ZNF66: variants seen among roughly 807,000 people sequenced by gnomAD.
ZNF66 encodes putative zinc finger protein 66.
In ZNF66, 32 loss-of-function variants were observed where a neutral mutation model predicts 35.2. The observed-to-expected ratio is 0.91, with a 90% confidence interval of 0.69 to 1.22. ZNF66 has a LOEUF of 1.22. Ranked by LOEUF, ZNF66 falls within the 50% of genes most tolerant of loss-of-function variation. The probability of loss-of-function intolerance (pLI) is 0.00; values close to 1 mark genes in which losing one functional copy is unlikely to be tolerated. For missense variants in ZNF66, 666 were observed against 543.1 expected (o/e 1.23, Z -2.25); for synonymous variants, 231 against 181.3 (o/e 1.27, Z -2.20).
intron 3 of ZNF66, among the ~76,000 whole-genome samples, chr19:20,796,751 T>A (rs1176593935): frequency 6.6e-6 from 1 of 152,344 alleles, no homozygotes; most frequent in African/African-American, 2.4e-5. Flanking sequence ...TTATACTGCA[T>A]ATTCTCTGAA....
Position 20,809,416 on chromosome 19 carries a change from A to AG in ZNF66, c.*2097dup, listed in dbSNP as rs1200951533. On this transcript the variant is annotated 3_prime_UTR_variant, in exon 4 of 4. Transcript: ENST00000344519. ...AGTTGAAATGAAGGAAAAAATGTTA[A>AG]GGGCAGCCAGAGAGAAAGGTCGGGT... Among the ~76,000 whole-genome samples the AG allele has an allele frequency of 1.2e-4, 18 of 152,180 alleles. No individual in the cohort carries two copies. Among genetic ancestry groups the AG allele is most frequent in the African/African-American group, 3.4e-4 (14 of 41,440 alleles).
chr19:20,787,129 A>C (rs916981256), intron 1 of ZNF66, among the ~76,000 whole-genome samples: 1 of 152,182 alleles, frequency 6.6e-6, no homozygotes, highest in Non-Finnish European at 1.5e-5. Context: ...CTATTTCTGT[A>C]AATAAAAATT....
intron 3 of ZNF66, among the ~76,000 whole-genome samples, chr19:20,795,279 G>T (rs953509406): frequency 1.3e-5 from 2 of 152,158 alleles, no homozygotes; most frequent in South Asian, 4.1e-4. Context: ...ATTGGTGTCT[G>T]AATTTGATGG....
In ZNF66 at chr19:20,809,945, G is replaced by C. The variant is rs1189257095; in HGVS notation, c.*2623G>C. Among the ~76,000 whole-genome samples, 1 of 152,134 alleles carries C rather than the reference G, an allele frequency of 6.6e-6. No homozygotes were observed. The highest frequency in any genetic ancestry group is 2.4e-5 in the African/African-American group (1 of 41,434). On this transcript the variant is annotated 3_prime_UTR_variant, in exon 4 of 4. Transcript: ENST00000344519. ...TGTATTCAGGAAACCCATCTCACGT[G>C]CAGAGACACACATAGGCTCAAAATA...
In ZNF66 at chr19:20,806,329, C is replaced by G. The variant is rs765450270; in HGVS notation, c.729C>G (p.Asn243Lys). ...GCAAAGCCTTTAACCGCTCCTCTAA[C>G]CTTACTACACATAAGAAAATTCATA... ...DCGKAFNRSS[N>K]LTTHKKIHTG... Residue 243 changes from asparagine (N) to lysine (K), a missense_variant, in exon 4 of 4, where the codon AAC becomes AAG. By Grantham distance (94) the Asn-to-Lys change is moderately conservative. Coordinates refer to ENST00000344519, the MANE Select transcript of ZNF66 (RefSeq NM_001355197.2). 2.6e-6 allele frequency: 4 copies of G among 1,541,874 alleles called. No homozygotes were observed. The African/African-American group carries it at 5.5e-5, about 21-fold the overall frequency.
chr19:20,805,955 A>T lies in ZNF66; in HGVS notation c.355A>T (p.Ser119Cys). The change falls in exon 4 of 4, where the codon AGT becomes TGT. Residue 119 changes from serine to cysteine, a missense_variant. Transcript: ENST00000344519. ...DNLQLKKGCESVDKCKVHKRG... is the reference protein window; with the variant it reads ...DNLQLKKGCECVDKCKVHKRG... ...TTTGCAGTTAAAAAAAGGCTGTGAA[A>T]GTGTGGATAAGTGTAAAGTGCACAA... is the stretch of plus-strand genomic sequence containing the variant. 2.8e-6 allele frequency: 2 copies of T among 705,768 alleles called. No homozygotes were observed. The highest frequency in any genetic ancestry group is 5.0e-6 in the Non-Finnish European group (2 of 397,018). 43.7% of individuals were successfully genotyped at this position (705,768 alleles called of 1,614,324 possible).
intron 1 of ZNF66, among the ~76,000 whole-genome samples, chr19:20,789,078 A>G (rs1458680714): frequency 1.3e-5 from 2 of 152,130 alleles, no homozygotes; most frequent in Non-Finnish European, 2.9e-5. Context: ...TACCCTAGAA[A>G]ACCTTAAAGG....
chr19:20,799,492 A>G (rs1216053387), intron 3 of ZNF66: 1 of 124,758 alleles, frequency 8.0e-6, no homozygotes, highest in African/African-American at 3.0e-5. Flanking sequence ...GTGTGAGGCG[A>G]TTTTGTTGGT....
intron 2 of ZNF66, among the ~76,000 whole-genome samples, chr19:20,793,389 G>A (rs1314210940): frequency 1.4e-4 from 18 of 131,298 alleles, no homozygotes; most frequent in Non-Finnish European, 2.6e-4. Context: ...GGAGTGCAGT[G>A]GTGCAATCTG....
chr19:20,776,454 A>C lies in ZNF66; in HGVS notation c.3+4A>C, dbSNP rs1476171662. On this transcript the variant is annotated splice_donor_region_variant and intron_variant, in intron 1 of 3. Coordinates refer to ENST00000344519, the MANE Select transcript of ZNF66 (RefSeq NM_001355197.2). ...ACCCCCTGGAAGCCTAGAAATGGTG[A>C]GAGTGCCGGTCCAGCATCCCGAGAG... 1.9e-6 allele frequency: 3 copies of C among 1,557,356 alleles called. No homozygotes were observed. In the African/African-American group the frequency reaches 4.1e-5, roughly 21 times the overall value.
At chr19:20,804,773 C>A (rs540579775) in intron 3 of ZNF66, among the ~76,000 whole-genome samples, 7 of 152,164 alleles carry the variant, frequency 4.6e-5, no homozygotes, top group Non-Finnish European at 1.0e-4. Context: ...TTGGGAATTT[C>A]TCAAACATGT....
In ZNF66 at chr19:20,790,639, C is replaced by T. The variant is rs1971328303; in HGVS notation, c.4-1873C>T. On this transcript the variant is annotated intron_variant, in intron 1 of 3. Transcript: ENST00000344519. ...TTTCTGCCAATTGATGCCATGCTAG[C>T]TGGTAAACATGTGGCACTGACACCT... 2.6e-5 allele frequency among the ~76,000 whole-genome samples: 4 copies of T among 152,034 alleles called. No individual in the cohort carries two copies. In the South Asian group the frequency reaches 8.3e-4, roughly 32 times the overall value.
At chr19:20,791,028 G>A (rs1971332150) in intron 1 of ZNF66, among the ~76,000 whole-genome samples, 1 of 152,108 alleles carries the variant, frequency 6.6e-6, no homozygotes, top group Non-Finnish European at 1.5e-5. Flanking sequence ...TTTATGATCT[G>A]CAATATTAAA....
Position 20,805,966 on chromosome 19 carries a change from G to A in ZNF66, c.366G>A (p.Lys122=), listed in dbSNP as rs776086137. 1.3e-6 allele frequency: 1 copy of A among 743,544 alleles called. No homozygotes were observed. The highest frequency in any genetic ancestry group is 2.4e-6 in the Non-Finnish European group (1 of 421,916). The allele number at this position is 743,544 out of a possible 1,614,324, so 46.1% of individuals were successfully genotyped here. A position where few individuals can be genotyped will look rare whatever the true frequency, so the allele number is the denominator to read the frequency against. The part of the protein sequence containing the change: ...QLKKGCESVD[K]CKVHKRGYNG... ...AAAAAGGCTGTGAAAGTGTGGATAAGTGTAAAGTGCACAAAAGAGGTTATA... is the reference window on the plus strand; with the variant it reads ...AAAAAGGCTGTGAAAGTGTGGATAAATGTAAAGTGCACAAAAGAGGTTATA... The change falls in exon 4 of 4, where the codon AAG becomes AAA. Residue 122 remains lysine (K), a synonymous_variant. Coordinates refer to ENST00000344519, the MANE Select transcript of ZNF66 (RefSeq NM_001355197.2).
rs1389927092 is a variant in ZNF66, at chr19:20,776,304, GTCTCTCCCTGCAGC to G, written c.-142_-129del. Reference sequence around the variant, plus strand: ...GGCTTCCGGATTTGGCGGGGTCTTTGTCTCTCCCTGCAGCTGGAGCTCCAGGTCGTCTGTTCACT... The same window carrying G: ...GGCTTCCGGATTTGGCGGGGTCTTTGTGGAGCTCCAGGTCGTCTGTTCACT... On this transcript the variant is annotated 5_prime_UTR_variant, in exon 1 of 4. Coordinates refer to ENST00000344519, the MANE Select transcript of ZNF66 (RefSeq NM_001355197.2). 2.9e-6 allele frequency: 4 copies of G among 1,362,554 alleles called. No individual in the cohort carries two copies. Among genetic ancestry groups the G allele is most frequent in the Non-Finnish European group, 4.2e-6 (4 of 960,892 alleles). 84.4% of individuals were successfully genotyped at this position (1,362,554 alleles called of 1,614,324 possible).
Position 20,806,066 on chromosome 19 carries a change from C to A in ZNF66, c.466C>A (p.Gln156Lys). 1.2e-6 allele frequency: 1 copy of A among 853,996 alleles called. No individual in the cohort carries two copies. Among genetic ancestry groups the A allele is most frequent in the Non-Finnish European group, 2.0e-6 (1 of 508,456 alleles). The allele number at this position is 853,996 out of a possible 1,614,324, so 52.9% of individuals were successfully genotyped here. A position where few individuals can be genotyped will look rare whatever the true frequency, so the allele number is the denominator to read the frequency against. Reference sequence around the variant, plus strand: ...TGATAAACATGGGAAAGTCTTTCATCAATTTTCAAATACAAACAGACATAA... The same window carrying A: ...TGATAAACATGGGAAAGTCTTTCATAAATTTTCAAATACAAACAGACATAA... The part of the protein sequence containing the change: ...QCDKHGKVFH[Q>K]FSNTNRHKIR... Residue 156 changes from glutamine to lysine, a missense_variant, in exon 4 of 4, where the codon CAA (glutamine) becomes AAA (lysine). Transcript: ENST00000344519.
chr19:20,783,133 C>T (rs1482112977), intron 1 of ZNF66, among the ~76,000 whole-genome samples: 2 of 152,048 alleles, frequency 1.3e-5, no homozygotes, highest in Admixed American at 1.3e-4. Context: ...CTCTTGTCAG[C>T]TTTGTCAAAA....
In ZNF66 at chr19:20,805,487, T is replaced by A. The variant is rs559979613; in HGVS notation, c.227-340T>A. 2.0e-5 allele frequency among the ~76,000 whole-genome samples: 3 copies of A among 152,242 alleles called. No homozygotes were observed. In the South Asian group the frequency reaches 6.2e-4, roughly 32 times the overall value. ...GATTACTGGTGTGAGCCATCACACC[T>A]GACCAGCAATTTACTTTTAAAGGCA... On this transcript the variant is annotated intron_variant, in intron 3 of 3. Transcript: ENST00000344519.
chr19:20,780,327 T>C (rs55661550), intron 1 of ZNF66, among the ~76,000 whole-genome samples: 5,830 of 152,222 alleles, frequency 0.038, 117 homozygotes, highest in African/African-American at 0.053. Context: ...GTTTCATCTT[T>C]CCCCATTTCT....
Sources: allele counts gnomAD v4.1 joint callset (sites outside exome capture counted in the v4.1 genomes callset), GRCh38; gene constraint gnomAD v4.1.1; transcripts MANE v1.5; gene names NCBI Gene and HGNC (gene_info 2026-07-23, HGNC 2026-07-21).